Variants in C1D observed in about 807,000 individuals in gnomAD.
C1D encodes nuclear nucleic acid-binding protein C1D.
A neutral mutation model predicts 17.5 loss-of-function variants in C1D; 10 were observed. The observed-to-expected ratio is 0.57, with a 90% CI of 0.35 to 0.97. The LOEUF (loss-of-function observed/expected upper bound fraction) is 0.97. Ranked by LOEUF, C1D falls within the 50% of genes least tolerant of loss-of-function variation. The pLI is 0.01. For synonymous variants in C1D, 49 were observed against 54.0 expected (o/e 0.91, Z 0.40); for missense variants, 136 against 160.1 (o/e 0.85, Z 0.81).
At chr2:68,062,518 T>C (rs185620913) in intron 1 of C1D, among the ~76,000 whole-genome samples, 192 of 152,358 alleles carry the variant, frequency 1.3e-3, no homozygotes, top group African/African-American at 4.3e-3. Flanking sequence ...TGAATGTGAA[T>C]GATAAACGGA....
intron 4 of C1D, among the ~76,000 whole-genome samples, chr2:68,043,870 CT>C (rs1302635150): frequency 6.6e-6 from 1 of 152,212 alleles, no homozygotes; most frequent in African/African-American, 2.4e-5. Context: ...TCCACACTCT[CT>C]AGTGACGTCC....
At chr2:68,050,259 C>A (rs1671242209) in intron 1 of C1D, among the ~76,000 whole-genome samples, 1 of 151,872 alleles carries the variant, frequency 6.6e-6, no homozygotes, top group Non-Finnish European at 1.5e-5. Flanking sequence ...GGACTATTAC[C>A]CATAAGTTTA....
intron 1 of C1D, among the ~76,000 whole-genome samples, chr2:68,057,277 A>C (rs746250480): frequency 6.6e-6 from 1 of 150,404 alleles, no homozygotes; most frequent in Non-Finnish European, 1.5e-5. Flanking sequence ...TCAGCCTCCC[A>C]AGTAGCTGGG....
At chr2:68,059,585 C>A (rs952837546) in intron 1 of C1D, among the ~76,000 whole-genome samples, 3 of 152,156 alleles carry the variant, frequency 2.0e-5, no homozygotes, top group Admixed American at 6.5e-5. Flanking sequence ...TATCACATAT[C>A]TATCAATAAC....
intron 1 of C1D, among the ~76,000 whole-genome samples, chr2:68,048,802 A>G (rs1572881741): frequency 6.6e-6 from 1 of 152,306 alleles, no homozygotes; most frequent in East Asian, 1.9e-4. Context: ...AATCCCTACA[A>G]TATGACAGAT....
chr2:68,061,351 C>G (rs1008903057), intron 1 of C1D, among the ~76,000 whole-genome samples: 2 of 152,176 alleles, frequency 1.3e-5, no homozygotes, highest in Non-Finnish European at 2.9e-5. Context: ...ATATAGACTT[C>G]TTCCTTTTCT....
rs1374872572 is a variant in C1D, at chr2:68,055,560, T to C, written c.-10+7398A>G. ...ACCAAATGAAATACACAGACCTTGT[T>C]TGGATCTTGATTCAAATAAACCAAG... On this transcript the variant is annotated intron_variant, in intron 1 of 4. Transcript: ENST00000410067. Among the ~76,000 whole-genome samples, 5 of 152,112 alleles carry C rather than the reference T, an allele frequency of 3.3e-5. No individual in the cohort carries two copies. In the East Asian group the frequency reaches 7.7e-4, roughly 23 times the overall value.
At position 68,042,828 on chromosome 2, in the gene C1D, CGGGGGGGGG is replaced by C. The variant is rs200836844; in HGVS notation, c.*52_*60del. On this transcript the variant is annotated 3_prime_UTR_variant, in exon 5 of 5. Coordinates refer to ENST00000410067, the MANE Select transcript of C1D (RefSeq NM_173177.3). The stretch of plus-strand genomic sequence containing the variant: ...CTTGCCCTGCCACAGAATTATTTTG[CGGGGGGGGG>C]GGGGGGGGGGAAGATGTACTTTTTG... The C allele has an allele frequency of 6.2e-3, 1,266 of 205,670 alleles. 215 individuals are homozygous for C. The highest frequency in any genetic ancestry group is 0.012 in the Admixed American group (81 of 7,004). The allele number at this position is 205,670 out of a possible 1,614,324, so 12.7% of individuals were successfully genotyped here.
At chr2:68,061,599 G>A (rs1203676988) in intron 1 of C1D, among the ~76,000 whole-genome samples, 1 of 152,136 alleles carries the variant, frequency 6.6e-6, no homozygotes, top group African/African-American at 2.4e-5. Flanking sequence ...AGAGTATATA[G>A]TGTTGTTGCA....
At position 68,042,267 on chromosome 2, in the gene C1D, TACA is replaced by T. The variant is rs1670974963; in HGVS notation, c.*619_*621del. The T allele has an allele frequency of 6.6e-6, 1 of 152,574 alleles. No homozygotes were observed. The highest frequency in any genetic ancestry group is 1.5e-5 in the Non-Finnish European group (1 of 67,976). 9.5% of individuals were successfully genotyped at this position (152,574 alleles called of 1,614,324 possible). ...TCATGCCAAAATTCATCCATCAACA[TACA>T]ACCTTATTTCCCATCTAAAGTTAAT... is the stretch of plus-strand genomic sequence containing the variant. On this transcript the variant is annotated 3_prime_UTR_variant, in exon 5 of 5. Coordinates refer to ENST00000410067, the MANE Select transcript of C1D (RefSeq NM_173177.3).
chr2:68,060,329 G>A (rs1224390735), intron 1 of C1D, among the ~76,000 whole-genome samples: 5 of 152,136 alleles, frequency 3.3e-5, no homozygotes, highest in Admixed American at 6.5e-5. Context: ...AAACACAGCA[G>A]CCAGAGAAGA....
At chr2:68,050,818 T>A (rs1671258282) in intron 1 of C1D, among the ~76,000 whole-genome samples, 1 of 152,248 alleles carries the variant, frequency 6.6e-6, no homozygotes, top group African/African-American at 2.4e-5. Context: ...TCAATATCTC[T>A]GGTTGGATGT....
At chr2:68,059,009 G>C (rs1671542880) in intron 1 of C1D, among the ~76,000 whole-genome samples, 1 of 152,170 alleles carries the variant, frequency 6.6e-6, no homozygotes, top group Non-Finnish European at 1.5e-5. Context: ...GTTTTGCATT[G>C]CTATGCAGGA....
intron 1 of C1D, among the ~76,000 whole-genome samples, chr2:68,048,981 G>A (rs1162779864): frequency 6.6e-6 from 1 of 152,084 alleles, no homozygotes; most frequent in East Asian, 1.9e-4. Flanking sequence ...TGGATCACCT[G>A]AGGTCAGGAG....
intron 1 of C1D, among the ~76,000 whole-genome samples, chr2:68,060,868 A>T (rs1671609439): frequency 6.6e-6 from 1 of 152,180 alleles, no homozygotes; most frequent in Admixed American, 6.5e-5. Context: ...CCACATCACT[A>T]ACATAATGTC....
chr2:68,055,921 G>C (rs1456336377), intron 1 of C1D, among the ~76,000 whole-genome samples: 3 of 152,186 alleles, frequency 2.0e-5, no homozygotes, highest in African/African-American at 7.2e-5. Context: ...AATAACTAAA[G>C]AGAAGGTGTC....
intron 1 of C1D, among the ~76,000 whole-genome samples, chr2:68,059,182 T>C (rs1313446181): frequency 6.6e-6 from 1 of 152,160 alleles, no homozygotes; most frequent in Non-Finnish European, 1.5e-5. Flanking sequence ...GGAGCTTCCA[T>C]GTTCTTTTAA....
rs770778882 is a variant in C1D at position 68,045,981 on chromosome 2, A to G, written c.261+7T>C. The G allele has an allele frequency of 6.4e-7, 1 of 1,570,828 alleles. No homozygotes were observed. The highest frequency in any genetic ancestry group is 1.2e-5 in the South Asian group (1 of 85,790). On this transcript the variant is annotated splice_region_variant and intron_variant, in intron 4 of 4. Transcript: ENST00000410067. ...ACACATAAAATAAAAAGAAATTAAA[A>G]TCTTACCAATTCCTGTTTTACTGGA... is the stretch of plus-strand genomic sequence containing the variant.
intron 2 of C1D, chr2:68,046,707 G>A (rs1395180799): frequency 1.2e-5 from 4 of 334,050 alleles, no homozygotes; most frequent in South Asian, 1.1e-4. Flanking sequence ...CGGGAGTTAC[G>A]ATCTGGGCTT....
Sources: gnomAD v4.1 joint callset for allele counts (sites outside exome capture counted in the v4.1 genomes callset) on GRCh38, gnomAD v4.1.1 for gene constraint, MANE v1.5 for transcripts, NCBI Gene and HGNC (gene_info 2026-07-23, HGNC 2026-07-21) for gene names.